The following ILDR2 variants were observed in gnomAD, a reference collection of about 807,000 sequenced individuals.
ILDR2 encodes the protein immunoglobulin like domain containing receptor 2.
ILDR2 carries 25 observed loss-of-function variants against 66.8 expected under a neutral mutation model. The observed-to-expected ratio is 0.37, with a 90% confidence interval of 0.27 to 0.52. The LOEUF is 0.52. Among genes scored for constraint, ILDR2 ranks in the 20% least tolerant of loss-of-function variants. ILDR2 has a pLI of 0.88. For missense variants in ILDR2, 827 were observed against 876.8 expected, an observed-to-expected ratio of 0.94 and a Z score of 0.72; for synonymous variants, 367 against 357.2, an observed-to-expected ratio of 1.03 and a Z score of -0.31.
At chr1:166,907,539 T>G (rs2101815976), downstream of ILDR2, among the ~76,000 whole-genome samples, 2 of 152,300 alleles carry the variant, frequency 1.3e-5, no homozygotes, top group South Asian at 4.1e-4. Flanking sequence ...GTCTCCCCAC[T>G]CCACAATCTG....
intron 2 of ILDR2, among the ~76,000 whole-genome samples, chr1:166,901,313 T>A (rs1411897726): frequency 6.6e-6 from 1 of 152,170 alleles, no homozygotes; most frequent in Admixed American, 6.5e-5. Context: ...AACCTTACAA[T>A]CACTAGGTCC....
intron 6 of ILDR2, among the ~76,000 whole-genome samples, chr1:166,929,939 A>G (rs888820360): frequency 2.6e-5 from 4 of 152,206 alleles, no homozygotes; most frequent in African/African-American, 9.7e-5. Context: ...CATTATGAAA[A>G]GGGCCTACCC....
chr1:166,919,193 G>T lies in ILDR2; in HGVS notation c.*162C>A. On this transcript the variant is annotated 3_prime_UTR_variant, in exon 10 of 10. Transcript: ENST00000271417. ...AGATGGGCACAGAGGTTTGAAATCA[G>T]CCTCCCTTAAAGGCTGCCTGCCATC... is the stretch of plus-strand genomic sequence containing the variant. The T allele has an allele frequency of 1.6e-6, 1 of 633,206 alleles. No homozygotes were observed. Among genetic ancestry groups the T allele is most frequent in the Non-Finnish European group, 2.8e-6 (1 of 355,016 alleles). The allele number at this position is 633,206 out of a possible 1,614,324, so 39.2% of individuals were successfully genotyped here.
intron 5 of ILDR2, 79 bp from the exon 6 acceptor site, chr1:166,935,556 G>T: frequency 7.8e-7 from 1 of 1,283,370 alleles, no homozygotes; most frequent in Non-Finnish European, 1.1e-6. Flanking sequence ...CCCTGAGGAT[G>T]CACTTCAGGG....
In ILDR2 at chr1:166,921,204, G is replaced by A. The variant is rs1312331999; in HGVS notation, c.1387C>T (p.Arg463Trp). 1.3e-6 allele frequency: 2 copies of A among 1,584,788 alleles called. No homozygotes were observed. The highest frequency in any genetic ancestry group is 8.5e-7 in the Non-Finnish European group (1 of 1,172,274). ...GGSRFERSES[R>W]AHSGFYQDDS... ...TCCTGGTAGAAGCCGCTGTGCGCCCGCGACTCCGAGCGCTCGAAGCGGCTC... is the reference window on the plus strand; with the variant it reads ...TCCTGGTAGAAGCCGCTGTGCGCCCACGACTCCGAGCGCTCGAAGCGGCTC... The change falls in exon 9 of 10, where the codon CGG becomes TGG. Residue 463 changes from arginine (R) to tryptophan (W), a missense_variant. This residue lies in a region of ILDR2 where 390 missense variants were observed against 353.6 expected (regional missense o/e 1.10). Transcript: ENST00000271417. The surrounding 1 kb of genome is among the most constrained non-coding windows in gnomAD (Gnocchi z 5.3).
intron 4 of ILDR2, among the ~76,000 whole-genome samples, chr1:166,937,018 A>G (rs1250520227): frequency 6.6e-6 from 1 of 152,172 alleles, no homozygotes; most frequent in Non-Finnish European, 1.5e-5. Flanking sequence ...TCAGAGTCCT[A>G]TACTGGGGAA....
chr1:166,956,919 G>T (rs927444587), intron 2 of ILDR2, 67 bp from the exon 3 acceptor site: 4 of 1,560,034 alleles, frequency 2.6e-6, no homozygotes, highest in Non-Finnish European at 3.5e-6. Flanking sequence ...ACTAAACAAT[G>T]GGGGTTGGGA....
At position 166,975,257 on chromosome 1, in the gene ILDR2, G is replaced by A; in HGVS notation, c.12C>T (p.Val4=). MDR[V]LLRWISLFWL... ...AGAAGAGAGAAATCCACCTCAGCAA[G>A]ACCCTATCCATCTTCCCCAACTTCC... The change falls in exon 1 of 10, where the codon GTC becomes GTT. Residue 4 remains valine (V), a synonymous_variant. Transcript: ENST00000271417. 1 of 1,613,560 alleles carries A rather than the reference G, an allele frequency of 6.2e-7. No individual in the cohort carries two copies. The highest frequency in any genetic ancestry group is 8.5e-7 in the Non-Finnish European group (1 of 1,179,608).
chr1:166,942,013 T>G (rs770103605), intron 3 of ILDR2, among the ~76,000 whole-genome samples: 2 of 152,220 alleles, frequency 1.3e-5, no homozygotes, highest in Non-Finnish European at 2.9e-5. Context: ...AACTTTATCA[T>G]TACTTCACTT....
intron 3 of ILDR2, among the ~76,000 whole-genome samples, chr1:166,954,329 G>A (rs955741894): frequency 3.3e-5 from 5 of 152,176 alleles, no homozygotes; most frequent in African/African-American, 9.7e-5. Flanking sequence ...TTACAACTGT[G>A]ATGGCATTTT....
intron 2 of ILDR2, among the ~76,000 whole-genome samples, chr1:166,901,613 T>G (rs1019369240): frequency 6.6e-6 from 1 of 152,246 alleles, no homozygotes; most frequent in Non-Finnish European, 1.5e-5. Flanking sequence ...TCAAATGTTA[T>G]AGACGTGACT....
At chr1:166,897,881 T>C (rs776227982) in intron 2 of ILDR2, among the ~76,000 whole-genome samples, 1 of 152,222 alleles carries the variant, frequency 6.6e-6, no homozygotes, top group Non-Finnish European at 1.5e-5. Context: ...AATAAATTAT[T>C]AAACCTGAAG....
downstream of ILDR2, among the ~76,000 whole-genome samples, chr1:166,907,649 C>A (rs1659372478): frequency 1.3e-5 from 2 of 152,100 alleles, no homozygotes; most frequent in African/African-American, 4.8e-5. Flanking sequence ...AATCAATAAT[C>A]AGAGGAATGT....
rs1659444198 is a variant in ILDR2, at chr1:166,910,107, C to T, written c.*9248G>A. On this transcript the variant is annotated 3_prime_UTR_variant, in exon 10 of 10. Transcript: ENST00000271417. ...CCTTTGGTTGTACAGTTTGATGACA[C>T]GGTTTTTGCTTGTTAAAGAGAAACT... 2 of 151,958 alleles carry T rather than the reference C, an allele frequency of 1.3e-5. No individual in the cohort carries two copies. The highest frequency in any genetic ancestry group is 2.9e-5 in the Non-Finnish European group (2 of 68,010). The allele number at this position is 151,958 out of a possible 1,614,324, so 9.4% of individuals were successfully genotyped here.
At chr1:166,967,801 T>C (rs1222316583) in intron 1 of ILDR2, among the ~76,000 whole-genome samples, 4 of 152,142 alleles carry the variant, frequency 2.6e-5, no homozygotes, top group South Asian at 4.1e-4. Context: ...TGTTAGTTCA[T>C]GTTGATGAAT....
In ILDR2 at chr1:166,909,974, G is replaced by A. The variant is rs1266272852; in HGVS notation, c.*9381C>T. The A allele has an allele frequency of 1.3e-5, 2 of 151,570 alleles. No homozygotes were observed. Among genetic ancestry groups the A allele is most frequent in the South Asian group, 4.2e-4 (2 of 4,782 alleles). The allele number at this position is 151,570 out of a possible 1,614,324, so 9.4% of individuals were successfully genotyped here. A position where few individuals can be genotyped will look rare whatever the true frequency, so the allele number is the denominator to read the frequency against. On this transcript the variant is annotated 3_prime_UTR_variant, in exon 10 of 10. Coordinates refer to ENST00000271417, the MANE Select transcript of ILDR2 (RefSeq NM_199351.3). Reference sequence around the variant, plus strand: ...AAAGTAAAGTGTTTTAACATGTCTGGAATTTTCTCCTCTGCTTGGTTTTTA... The same window carrying A: ...AAAGTAAAGTGTTTTAACATGTCTGAAATTTTCTCCTCTGCTTGGTTTTTA...
rs1660189972 is a variant in ILDR2, at chr1:166,924,975, C to T, written c.994+2092G>A. 2.6e-5 allele frequency among the ~76,000 whole-genome samples: 4 copies of T among 152,194 alleles called. No homozygotes were observed. In the South Asian group the frequency reaches 8.3e-4, roughly 32 times the overall value. ...AGGCTGCAGTGAGCTGTGTTTGCGC[C>T]ACTGCACTCCAGCCTGGGTGACAGA... On this transcript the variant is annotated intron_variant, in intron 7 of 9. Transcript: ENST00000271417.
Position 166,915,606 on chromosome 1 carries a change from C to G in ILDR2, c.*3749G>C, listed in dbSNP as rs1338507975. ...GTCTAAAGACCTAATAGGTTTGTGA[C>G]TTCATTAATGGCAGTGATGGTTTCT... On this transcript the variant is annotated 3_prime_UTR_variant, in exon 10 of 10. Transcript: ENST00000271417. 6.6e-6 allele frequency: 1 copy of G among 152,154 alleles called. No individual in the cohort carries two copies. The highest frequency in any genetic ancestry group is 2.4e-5 in the African/African-American group (1 of 41,408). The allele number at this position is 152,154 out of a possible 1,614,324, so 9.4% of individuals were successfully genotyped here. A position where few individuals can be genotyped will look rare whatever the true frequency, so the allele number is the denominator to read the frequency against.
At chr1:166,963,331 C>T (rs1044456014) in intron 1 of ILDR2, among the ~76,000 whole-genome samples, 1 of 152,170 alleles carries the variant, frequency 6.6e-6, no homozygotes, top group Non-Finnish European at 1.5e-5. Context: ...CTCTCAAAAT[C>T]CTATAAAGTA....
Sources: gnomAD v4.1 joint callset for allele counts (sites outside exome capture counted in the v4.1 genomes callset) on GRCh38, gnomAD v4.1.1 for gene constraint, gnomAD v4.1.1 regional missense constraint, Gnocchi (gnomAD v3.1) non-coding constraint, MANE v1.5 for transcripts, NCBI Gene and HGNC (gene_info 2026-07-23, HGNC 2026-07-21) for gene names.